Variants in NBEA observed in about 807,000 individuals in gnomAD.
NBEA encodes neurobeachin, also known as lysosomal-trafficking regulator 2.
NBEA carries 44 observed loss-of-function variants against 343.4 expected under a neutral mutation model. That is an observed-to-expected ratio of 0.13 (90% CI 0.10 to 0.16). The LOEUF (loss-of-function observed/expected upper bound fraction) is 0.16, where lower values mean the gene tolerates loss of function less well. Among genes scored for constraint, NBEA ranks in the 10% least tolerant of loss-of-function variants. The pLI, the probability that NBEA is intolerant of heterozygous loss-of-function variation, is 1.00. For synonymous variants in NBEA, 1,175 were observed against 1,238.7 expected, an observed-to-expected ratio of 0.95 and a Z score of 1.08; for missense variants, 2,555 against 3,631.3, an observed-to-expected ratio of 0.70 and a Z score of 7.62.
intron 35 of NBEA, among the ~76,000 whole-genome samples, chr13:35,291,670 A>G (rs1344914664): frequency 6.6e-6 from 1 of 151,960 alleles, no homozygotes; most frequent in East Asian, 1.9e-4. Flanking sequence ...TCCTTCTTCC[A>G]TAGCCCTGTG....
chr13:35,404,951 G>A (rs1359230113), intron 38 of NBEA, among the ~76,000 whole-genome samples: 2 of 152,056 alleles, frequency 1.3e-5, no homozygotes, highest in African/African-American at 4.8e-5. Flanking sequence ...GAATGAACAC[G>A]ATTGGAGGAA....
At chr13:35,212,359 T>TTTTA (rs905594967) in intron 33 of NBEA, among the ~76,000 whole-genome samples, 33 of 152,306 alleles carry the variant, frequency 2.2e-4, no homozygotes, top group African/African-American at 7.9e-4. Context: ...TTTATTCTCC[T>TTTTA]TTTATTTATT....
intron 51 of NBEA, among the ~76,000 whole-genome samples, chr13:35,648,875 T>TGGGGGGGGGGGGGGGGG (rs2084376120): frequency 5.7e-5 from 1 of 17,444 alleles, no homozygotes; most frequent in Non-Finnish European, 1.2e-4. Context: ...GTGGGGGTGG[T>TGGGGGGGGGGGGGGGGG]GGGAGGGGAG....
At chr13:35,000,963 T>G (rs191327494) in intron 1 of NBEA, among the ~76,000 whole-genome samples, 1,737 of 152,080 alleles carry the variant, frequency 0.011, 14 homozygotes, top group South Asian at 0.037. Context: ...TTGGTTTTTT[T>G]TTGTTGTTGT....
chr13:35,062,834 A>C (rs2063513846), intron 8 of NBEA, among the ~76,000 whole-genome samples: 1 of 151,954 alleles, frequency 6.6e-6, no homozygotes, highest in African/African-American at 2.4e-5. Flanking sequence ...AACCTGGATG[A>C]TTAGGAGTAT....
At chr13:35,622,353 AAG>A (rs1276479421) in intron 48 of NBEA, among the ~76,000 whole-genome samples, 1 of 152,112 alleles carries the variant, frequency 6.6e-6, no homozygotes, top group Non-Finnish European at 1.5e-5. Context: ...AGCTTTGAAA[AAG>A]AGAATGGCAA....
At chr13:34,997,865 T>C (rs1190846029) in intron 1 of NBEA, among the ~76,000 whole-genome samples, 2 of 152,196 alleles carry the variant, frequency 1.3e-5, no homozygotes, top group Non-Finnish European at 2.9e-5. Context: ...GTTATGTTAT[T>C]TTTTGCTTAG....
At chr13:35,605,865 A>G (rs1227905029) in intron 47 of NBEA, among the ~76,000 whole-genome samples, 1 of 152,178 alleles carries the variant, frequency 6.6e-6, no homozygotes, top group Non-Finnish European at 1.5e-5. Flanking sequence ...CATATTGTGT[A>G]TCATCTCTTT....
chr13:35,415,865 A>C (rs991658801), intron 38 of NBEA, among the ~76,000 whole-genome samples: 44 of 152,156 alleles, frequency 2.9e-4, no homozygotes, highest in Non-Finnish European at 4.4e-4. Context: ...CCTATCCATG[A>C]GCATGGAATG....
At chr13:35,414,684 T>C (rs1397434150) in intron 38 of NBEA, among the ~76,000 whole-genome samples, 1 of 152,198 alleles carries the variant, frequency 6.6e-6, no homozygotes, top group Admixed American at 6.5e-5. Flanking sequence ...AGTGCCACAA[T>C]AAACATACGT....
At chr13:35,162,030 A>G (rs1431717224) in intron 23 of NBEA, 63 bp downstream of exon 23, 5 of 1,403,680 alleles carry the variant, frequency 3.6e-6, no homozygotes, top group Non-Finnish European at 3.8e-6. Context: ...TGCCTATTCT[A>G]TTTGGTTTTG....
At chr13:35,191,239 A>G (rs2072167342) in intron 30 of NBEA, among the ~76,000 whole-genome samples, 1 of 152,074 alleles carries the variant, frequency 6.6e-6, no homozygotes, top group Admixed American at 6.6e-5. Context: ...ATTTGAAGAA[A>G]TATTGGCCTG....
At chr13:35,606,396 T>C in intron 47 of NBEA, 30 bp from the exon 48 acceptor site, 1 of 1,348,216 alleles carries the variant, frequency 7.4e-7, no homozygotes, top group Non-Finnish European at 9.8e-7. Context: ...TATAAAGTGG[T>C]TTAATATGCT....
intron 8 of NBEA, among the ~76,000 whole-genome samples, chr13:35,068,956 C>T (rs1278027272): frequency 6.6e-6 from 1 of 152,104 alleles, no homozygotes; most frequent in East Asian, 1.9e-4. Flanking sequence ...CTGTATGCCT[C>T]CCGTAAGAAC....
intron 10 of NBEA, among the ~76,000 whole-genome samples, chr13:35,073,249 GA>G (rs1231263339): frequency 6.6e-5 from 10 of 152,130 alleles, no homozygotes; most frequent in African/African-American, 2.4e-4. Context: ...TCATATCGAT[GA>G]TTGGGACCTT....
At chr13:35,250,380 C>A (rs887663002) in intron 34 of NBEA, among the ~76,000 whole-genome samples, 13 of 151,966 alleles carry the variant, frequency 8.6e-5, no homozygotes, top group African/African-American at 3.1e-4. Context: ...GAATAAAAAT[C>A]TGTTAATTTG....
intron 38 of NBEA, among the ~76,000 whole-genome samples, chr13:35,414,119 T>G (rs1036391744): frequency 6.6e-6 from 1 of 152,086 alleles, no homozygotes; most frequent in African/African-American, 2.4e-5. Context: ...ACTGAGGACA[T>G]TCGTTGAAAC....
chr13:35,582,004 C>T (rs571517907), intron 45 of NBEA, among the ~76,000 whole-genome samples: 2 of 151,984 alleles, frequency 1.3e-5, no homozygotes, highest in East Asian at 1.9e-4. Context: ...TCATTACTTT[C>T]GGCCAGGCAT....
intron 1 of NBEA, among the ~76,000 whole-genome samples, chr13:34,949,251 G>A (rs779051410): frequency 9.2e-5 from 14 of 152,102 alleles, no homozygotes; most frequent in Admixed American, 1.3e-4. Context: ...ACGGTTAAGG[G>A]GATAAGAGTA....
Sources: allele counts gnomAD v4.1 joint callset (sites outside exome capture counted in the v4.1 genomes callset), GRCh38; gene constraint gnomAD v4.1.1; transcripts MANE v1.5; gene names NCBI Gene and HGNC (gene_info 2026-07-23, HGNC 2026-07-21).